Variants in DPP6 observed in about 807,000 individuals in gnomAD.
DPP6 encodes the protein A-type potassium channel modulatory protein DPP6.
A neutral mutation model predicts 122.6 loss-of-function variants in DPP6; 69 were observed. That is an observed-to-expected ratio of 0.56 (90% confidence interval 0.46 to 0.69). DPP6 has a LOEUF of 0.69. Ranked by LOEUF, DPP6 falls within the 30% of genes least tolerant of loss-of-function variation. The pLI is 0.00. For synonymous variants in DPP6, 418 were observed against 433.1 expected (o/e 0.97, Z 0.43); for missense variants, 928 against 1,116.9 (o/e 0.83, Z 2.41).
At chr7:154,423,946 A>C (rs1414994031) in intron 1 of DPP6, among the ~76,000 whole-genome samples, 4 of 152,246 alleles carry the variant, frequency 2.6e-5, no homozygotes, top group Admixed American at 2.0e-4. Flanking sequence ...GACTCTATAA[A>C]GAGCTTGTTT....
At chr7:153,854,919 T>C in the DPP6 span, among the ~76,000 whole-genome samples, 1 of 144,422 alleles carries the variant, frequency 6.9e-6, no homozygotes, top group Non-Finnish European at 1.5e-5. Flanking sequence ...TAAAACATGA[T>C]GAGTTCATGT....
chr7:153,836,412 A>G, the DPP6 span, among the ~76,000 whole-genome samples: 11 of 152,242 alleles, frequency 7.2e-5, no homozygotes, highest in Non-Finnish European at 1.6e-4. Context: ...AGACTTTAGT[A>G]TCTAATATAG....
chr7:154,509,740 A>G (rs1461326480), intron 3 of DPP6, among the ~76,000 whole-genome samples: 4 of 152,222 alleles, frequency 2.6e-5, no homozygotes, highest in African/African-American at 9.6e-5. Flanking sequence ...CATTTGTGTA[A>G]TGGAACATTA....
At chr7:154,095,050 G>T (rs1805227449) in intron 1 of DPP6, 1 of 152,192 alleles carries the variant, frequency 6.6e-6, no homozygotes, top group Non-Finnish European at 1.5e-5. Context: ...GACATGTGCT[G>T]CCCAGGCTGG....
intron 1 of DPP6, among the ~76,000 whole-genome samples, chr7:154,441,752 T>C (rs996517807): frequency 2.0e-5 from 3 of 152,188 alleles, no homozygotes; most frequent in African/African-American, 7.2e-5. Context: ...TTCATAGACA[T>C]TGTGGTGTCT....
chr7:154,881,075 C>G (rs1303189637), intron 21 of DPP6, 133 bp downstream of exon 21: 5 of 1,355,214 alleles, frequency 3.7e-6, no homozygotes, highest in Admixed American at 3.1e-5. Flanking sequence ...AAATCAAGAG[C>G]CTGGGTGCTT....
chr7:154,627,020 T>C (rs1407973284), intron 5 of DPP6, among the ~76,000 whole-genome samples: 1 of 123,060 alleles, frequency 8.1e-6, no homozygotes, highest in African/African-American at 3.1e-5. Context: ...TTTTTTTTTT[T>C]TTTTTTTTTT....
At chr7:154,197,843 T>C (rs1798947964) in intron 1 of DPP6, among the ~76,000 whole-genome samples, 1 of 152,180 alleles carries the variant, frequency 6.6e-6, no homozygotes, top group South Asian at 2.1e-4. Flanking sequence ...AGCATCCACC[T>C]AGGAGCCCAG....
chr7:154,480,403 G>C (rs887811084), intron 3 of DPP6, among the ~76,000 whole-genome samples: 1 of 152,166 alleles, frequency 6.6e-6, no homozygotes, highest in East Asian at 1.9e-4. Flanking sequence ...ATGACCTCCA[G>C]GTTGCTAAAT....
the DPP6 span, among the ~76,000 whole-genome samples, chr7:153,754,310 T>C: frequency 6.6e-6 from 1 of 152,232 alleles, no homozygotes; most frequent in Non-Finnish European, 1.5e-5. Flanking sequence ...AGGATATATT[T>C]TCCTGGATGT....
chr7:154,861,224 G>GT (rs1440720077), intron 17 of DPP6, among the ~76,000 whole-genome samples: 4 of 152,118 alleles, frequency 2.6e-5, no homozygotes, highest in Admixed American at 6.6e-5. Context: ...TCCTCAAGTA[G>GT]TTTTTGCTCA....
the DPP6 span, among the ~76,000 whole-genome samples, chr7:153,815,551 G>A: frequency 6.6e-5 from 10 of 151,468 alleles, no homozygotes. Flanking sequence ...CCAGAGTGTG[G>A]CGTTCCCCTT....
At chr7:153,995,304 G>GA (rs1797369978) in intron 1 of DPP6, among the ~76,000 whole-genome samples, 1 of 152,152 alleles carries the variant, frequency 6.6e-6, no homozygotes. Context: ...AAGGAATGAA[G>GA]GGCTGGGCGC....
intron 1 of DPP6, among the ~76,000 whole-genome samples, chr7:153,888,155 C>T (rs1455128920): frequency 6.6e-6 from 1 of 152,168 alleles, no homozygotes; most frequent in East Asian, 1.9e-4. Flanking sequence ...GGCCTCGGTG[C>T]TCCGAGTCCC....
intron 7 of DPP6, among the ~76,000 whole-genome samples, chr7:154,692,779 CTCTTTTTTTTT>C (rs1460552889): frequency 7.2e-6 from 1 of 138,882 alleles, no homozygotes; most frequent in African/African-American, 3.1e-5. Context: ...TATTCTCTCT[CTCTTTTTTTTT>C]TTTTTTTTTG....
intron 13 of DPP6, among the ~76,000 whole-genome samples, chr7:154,801,753 G>C (rs73500266): frequency 0.011 from 1,668 of 152,222 alleles, 37 homozygotes; most frequent in African/African-American, 0.038. Flanking sequence ...TTGGAGGACT[G>C]TCTGTGCCGG....
At chr7:154,307,418 C>T (rs149931141) in intron 1 of DPP6, among the ~76,000 whole-genome samples, 203 of 152,302 alleles carry the variant, frequency 1.3e-3, no homozygotes, top group Middle Eastern at 6.8e-3. Context: ...TCATCCCATG[C>T]AGTTGTGAAG....
At chr7:154,040,880 A>G (rs1334284916) in intron 1 of DPP6, among the ~76,000 whole-genome samples, 1 of 150,038 alleles carries the variant, frequency 6.7e-6, no homozygotes, top group Admixed American at 6.6e-5. Context: ...CAAGCCTGTC[A>G]TCTTCAACTC....
chr7:154,371,062 A>G (rs1046452651), intron 1 of DPP6, among the ~76,000 whole-genome samples: 1 of 152,300 alleles, frequency 6.6e-6, no homozygotes, highest in Admixed American at 6.5e-5. Flanking sequence ...GCCAAAAGAA[A>G]TGCTCTTTCA....
Sources: gnomAD v4.1 joint callset for allele counts (sites outside exome capture counted in the v4.1 genomes callset) on GRCh38, gnomAD v4.1.1 for gene constraint, MANE v1.5 for transcripts, NCBI Gene and HGNC (gene_info 2026-07-23, HGNC 2026-07-21) for gene names.